FRMD4A: variants seen among roughly 807,000 people sequenced by gnomAD.
FRMD4A encodes the protein FERM domain containing 4A, also known as FERM domain-containing protein 4A.
A neutral mutation model predicts 129.1 loss-of-function variants in FRMD4A; 29 were observed. That is an observed-to-expected ratio of 0.22 (90% confidence interval 0.17 to 0.31). The LOEUF (loss-of-function observed/expected upper bound fraction) is 0.31. Among genes scored for constraint, FRMD4A ranks in the 10% least tolerant of loss-of-function variants. FRMD4A has a pLI of 1.00. For missense variants in FRMD4A, 1,272 were observed against 1,375.8 expected (o/e 0.92, Z 1.19); for synonymous variants, 634 against 571.6 (o/e 1.11, Z -1.56).
intron 2 of FRMD4A, among the ~76,000 whole-genome samples, chr10:14,312,761 G>A (rs1180573673): frequency 6.6e-6 from 1 of 152,172 alleles, no homozygotes; most frequent in African/African-American, 2.4e-5. Context: ...AGCTAATCAG[G>A]AGGCTGAGGT....
chr10:14,221,401 G>T (rs1251695824), intron 2 of FRMD4A, among the ~76,000 whole-genome samples: 3 of 152,158 alleles, frequency 2.0e-5, no homozygotes, highest in Non-Finnish European at 4.4e-5. Flanking sequence ...AGAAAATTCA[G>T]CTCAGGAGTT....
At chr10:14,045,343 G>A (rs1236996836) in intron 2 of FRMD4A, among the ~76,000 whole-genome samples, 3 of 152,006 alleles carry the variant, frequency 2.0e-5, no homozygotes, top group Non-Finnish European at 2.9e-5. Flanking sequence ...ACACTGTACC[G>A]CTTTTTCAAG....
chr10:13,986,070 G>C (rs1411186341), intron 2 of FRMD4A, among the ~76,000 whole-genome samples: 1 of 152,152 alleles, frequency 6.6e-6, no homozygotes, highest in Non-Finnish European at 1.5e-5. Context: ...ATGACTGCAG[G>C]CTCCCTTCCA....
chr10:14,134,866 A>G (rs1232875161), intron 2 of FRMD4A, among the ~76,000 whole-genome samples: 2 of 152,208 alleles, frequency 1.3e-5, no homozygotes, highest in East Asian at 1.9e-4. Context: ...CAAAAGAAAA[A>G]CAGAAGACTT....
chr10:14,265,405 T>C (rs551103993), intron 2 of FRMD4A, among the ~76,000 whole-genome samples: 2 of 152,358 alleles, frequency 1.3e-5, no homozygotes, highest in East Asian at 1.9e-4. Context: ...TTTTGTAACC[T>C]GAAAGTTTCC....
intron 5 of FRMD4A, among the ~76,000 whole-genome samples, chr10:13,785,778 C>T (rs1051769065): frequency 6.6e-6 from 1 of 151,862 alleles, no homozygotes; most frequent in African/African-American, 2.4e-5. Flanking sequence ...CCCTACCCCC[C>T]ACCCCACGAC....
At position 13,714,517 on chromosome 10, in the gene FRMD4A, C is replaced by A. The variant is rs187020254; in HGVS notation, c.760-7404G>T. 5.9e-5 allele frequency among the ~76,000 whole-genome samples: 9 copies of A among 152,122 alleles called. No individual in the cohort carries two copies. In the East Asian group the frequency reaches 1.7e-3, roughly 29 times the overall value. ...CAGCATTGAATTCCCATTCCCTTTC[C>A]AACCATTCATGTAGTAGTCTTCTAC... On this transcript the variant is annotated intron_variant, in intron 12 of 24. Coordinates refer to ENST00000357447, the MANE Select transcript of FRMD4A (RefSeq NM_018027.5).
chr10:13,656,667 G>A lies in FRMD4A; in HGVS notation c.2922C>T (p.Thr974=), dbSNP rs759847969. ...TGGCCTTGCACATCTGGGGCATCCT[G>A]GTGACCCTGCTGTGCGCCACGAAGG... is the stretch of plus-strand genomic sequence containing the variant. The part of the protein sequence containing the change: ...QSTFVAHSRV[T]RMPQMCKATS... Residue 974 remains threonine, a synonymous_variant, in exon 22 of 25, where the codon ACC becomes ACT. Coordinates refer to ENST00000357447, the MANE Select transcript of FRMD4A (RefSeq NM_018027.5). 1.3e-6 allele frequency: 2 copies of A among 1,512,990 alleles called. No homozygotes were observed. Among genetic ancestry groups the A allele is most frequent in the Non-Finnish European group, 1.8e-6 (2 of 1,126,592 alleles). The allele number at this position is 1,512,990 out of a possible 1,614,324, so 93.7% of individuals were successfully genotyped here.
intron 15 of FRMD4A, 70 bp downstream of exon 15, chr10:13,693,828 C>T: frequency 3.9e-6 from 6 of 1,523,054 alleles, no homozygotes; most frequent in Non-Finnish European, 5.5e-6. Context: ...CAGCTCTCCC[C>T]ACCTTCCTGG....
At chr10:14,306,889 C>T (rs933324287) in intron 2 of FRMD4A, among the ~76,000 whole-genome samples, 27 of 152,028 alleles carry the variant, frequency 1.8e-4, no homozygotes, top group African/African-American at 5.3e-4. Context: ...GTGTATGGGG[C>T]GGGATGGGGA....
chr10:13,701,590 A>G, intron 13 of FRMD4A, 112 bp from the exon 14 acceptor site: 1 of 897,818 alleles, frequency 1.1e-6, no homozygotes, highest in Non-Finnish European at 1.8e-6. Context: ...TGGCGTAAAG[A>G]TGATAGATGA....
chr10:13,877,572 G>A (rs763428894), intron 2 of FRMD4A, among the ~76,000 whole-genome samples: 6 of 152,214 alleles, frequency 3.9e-5, no homozygotes, highest in Non-Finnish European at 8.8e-5. Flanking sequence ...AGAGCTTGGG[G>A]ACCCGTAGTG....
intron 16 of FRMD4A, 147 bp downstream of exon 16, chr10:13,674,764 G>A: frequency 1.2e-6 from 1 of 842,944 alleles, no homozygotes; most frequent in South Asian, 1.6e-5. Context: ...GCCCAGATAG[G>A]CCCTCTTTTT....
chr10:14,064,612 C>T (rs975017117), intron 2 of FRMD4A, among the ~76,000 whole-genome samples: 4 of 152,144 alleles, frequency 2.6e-5, no homozygotes, highest in Non-Finnish European at 5.9e-5. Flanking sequence ...GAGTCTTGCT[C>T]CATCGTCTAG....
intron 2 of FRMD4A, among the ~76,000 whole-genome samples, chr10:14,048,809 ATAAAATAGAATAGAT>A (rs1257948220): frequency 0.034 from 5,046 of 148,136 alleles, 265 homozygotes; most frequent in African/African-American, 0.091. Context: ...CTTGTCTCAA[ATAAAATAGAATAGAT>A]TAGAATAGAA....
At chr10:13,736,552 A>G (rs1477880895) in intron 12 of FRMD4A, among the ~76,000 whole-genome samples, 2 of 152,204 alleles carry the variant, frequency 1.3e-5, no homozygotes, top group African/African-American at 4.8e-5. Flanking sequence ...TGGAGTAAAA[A>G]TCCTCCCAAC....
At chr10:14,152,126 T>C (rs1486389437) in intron 2 of FRMD4A, among the ~76,000 whole-genome samples, 1 of 128,416 alleles carries the variant, frequency 7.8e-6, no homozygotes, top group African/African-American at 3.2e-5. Context: ...GCTTTTTTTT[T>C]TTTTTTTTTT....
chr10:13,654,188 A>G, intron 23 of FRMD4A: 1 of 582,152 alleles, frequency 1.7e-6, no homozygotes, highest in South Asian at 2.2e-5. Flanking sequence ...CCCAAGGACC[A>G]CCGCCTACTT....
chr10:13,895,118 C>T (rs772644767), intron 2 of FRMD4A, among the ~76,000 whole-genome samples: 7 of 152,172 alleles, frequency 4.6e-5, no homozygotes, highest in East Asian at 1.9e-4. Context: ...CAGGGGTACA[C>T]GTGCAGGTTT....
Sources: allele counts gnomAD v4.1 joint callset (sites outside exome capture counted in the v4.1 genomes callset), GRCh38; gene constraint gnomAD v4.1.1; transcripts MANE v1.5; gene names NCBI Gene and HGNC (gene_info 2026-07-23, HGNC 2026-07-21).